The following AFF4 variants were observed in gnomAD, a reference collection of about 807,000 sequenced individuals.
AFF4 encodes ALF transcription elongation factor 4.
In AFF4, 13 loss-of-function variants were observed where a neutral mutation model predicts 124.8. That is an observed-to-expected ratio of 0.10 (90% CI 0.07 to 0.17). AFF4 has a LOEUF of 0.17. Among genes scored for constraint, AFF4 ranks in the 10% least tolerant of loss-of-function variants. AFF4 has a pLI of 1.00. For synonymous variants in AFF4, 477 were observed against 496.1 expected (o/e 0.96, Z 0.51); for missense variants, 1,092 against 1,403.8 (o/e 0.78, Z 3.55).
At chr5:132,901,190 C>T (rs1344879121) in intron 7 of AFF4, 4 of 976,018 alleles carry the variant, frequency 4.1e-6, no homozygotes, top group Non-Finnish European at 4.9e-6. Flanking sequence ...ACAATGGCAG[C>T]TCAATGAACT....
intron 10 of AFF4, among the ~76,000 whole-genome samples, chr5:132,897,709 T>TA (rs35269196): frequency 0.21 from 29,956 of 144,408 alleles, 3,269 homozygotes; most frequent in African/African-American, 0.28. Context: ...GACTCCATCT[T>TA]AAAAAAAAAA....
rs747510821 is a variant in AFF4, at chr5:132,887,990, A to C, written c.2797-8T>G. On this transcript the variant is annotated splice_region_variant and splice_polypyrimidine_tract_variant and intron_variant, in intron 15 of 20. Coordinates refer to ENST00000265343, the MANE Select transcript of AFF4 (RefSeq NM_014423.4). Reference sequence around the variant, plus strand: ...TTTCTCAAACCTATCAGACTGAAGAAAGGAGAATGCAAGTAATGAGTAATG... The same window carrying C: ...TTTCTCAAACCTATCAGACTGAAGACAGGAGAATGCAAGTAATGAGTAATG... 6.2e-7 allele frequency: 1 copy of C among 1,613,072 alleles called. No individual in the cohort carries two copies. The highest frequency in any genetic ancestry group is 8.5e-7 in the Non-Finnish European group (1 of 1,179,640).
At chr5:132,904,281 T>C (rs529032572) in intron 6 of AFF4, 87 bp downstream of exon 6, 1 of 1,146,926 alleles carries the variant, frequency 8.7e-7, no homozygotes, top group African/African-American at 1.6e-5. Flanking sequence ...GTAAAGGTAT[T>C]ACTAAAGTTA....
At chr5:132,940,307 G>A (rs1052185185) in intron 1 of AFF4, among the ~76,000 whole-genome samples, 7 of 151,966 alleles carry the variant, frequency 4.6e-5, no homozygotes, top group Non-Finnish European at 1.0e-4. Context: ...AGATATCCTG[G>A]CTAACACAGT....
At position 132,927,200 on chromosome 5, in the gene AFF4, G is replaced by A. The variant is rs780844382; in HGVS notation, c.971C>T (p.Thr324Met). ...CGTTAGAGGGGGAGGCCATGAATGCGTCATCTCCTGAAATGTAATTATTAC... is the reference window on the plus strand; with the variant it reads ...CGTTAGAGGGGGAGGCCATGAATGCATCATCTCCTGAAATGTAATTATTAC... Reference protein sequence around the residue: ...SCVDEILKEMTHSWPPPLTAI... With the variant: ...SCVDEILKEMMHSWPPPLTAI... The change falls in exon 5 of 21, where the codon ACG (threonine) becomes ATG (methionine). Residue 324 changes from threonine (T) to methionine (M), a missense_variant. Physicochemically the swap from Thr to Met is moderately conservative, Grantham distance 81 (BLOSUM62 -1). Around this residue, in one of 11 missense-constraint regions of AFF4, gnomAD observed 148 missense variants for 196.3 expected, o/e 0.75. Coordinates refer to ENST00000265343, the MANE Select transcript of AFF4 (RefSeq NM_014423.4). 27 of 1,609,444 alleles carry A rather than the reference G, an allele frequency of 1.7e-5. No individual in the cohort carries two copies. The highest frequency in any genetic ancestry group is 3.4e-5 in the Admixed American group (2 of 59,060).
At chr5:132,915,451 C>T (rs1760887505) in intron 5 of AFF4, among the ~76,000 whole-genome samples, 1 of 152,094 alleles carries the variant, frequency 6.6e-6, no homozygotes, top group Admixed American at 6.6e-5. Flanking sequence ...TACTCAGATA[C>T]CAAAACAAGG....
chr5:132,932,518 G>C (rs1337494196), intron 3 of AFF4, among the ~76,000 whole-genome samples: 1 of 152,104 alleles, frequency 6.6e-6, no homozygotes, highest in African/African-American at 2.4e-5. Context: ...TGTGCAGCTT[G>C]TCTAAAAATT....
intron 7 of AFF4, among the ~76,000 whole-genome samples, chr5:132,900,352 T>C (rs909565720): frequency 1.3e-5 from 2 of 152,098 alleles, no homozygotes; most frequent in Non-Finnish European, 2.9e-5. Context: ...AAGTCATGAG[T>C]TCGAGACCAG....
At chr5:132,944,637 A>G (rs1267628160) in intron 1 of AFF4, among the ~76,000 whole-genome samples, 6 of 151,496 alleles carry the variant, frequency 4.0e-5, no homozygotes, top group African/African-American at 1.5e-4. Flanking sequence ...ACAGAGTGAG[A>G]CTCTCTCTCA....
At chr5:132,928,197 T>TCA (rs1221842957) in intron 4 of AFF4, among the ~76,000 whole-genome samples, 2 of 147,220 alleles carry the variant, frequency 1.4e-5, no homozygotes. Context: ...CAAAATGGAG[T>TCA]CACTAATGTT....
At chr5:132,957,223 C>A (rs1318440214) in intron 1 of AFF4, among the ~76,000 whole-genome samples, 2 of 151,314 alleles carry the variant, frequency 1.3e-5, no homozygotes, top group African/African-American at 2.4e-5. Flanking sequence ...TGCCTGTAGT[C>A]CTAGCTACTT....
chr5:132,908,515 TA>T (rs1760719332), intron 5 of AFF4, among the ~76,000 whole-genome samples: 1 of 151,954 alleles, frequency 6.6e-6, no homozygotes, highest in Admixed American at 6.6e-5. Context: ...TTCCTTGTTG[TA>T]AATCATTTAG....
Position 132,942,759 on chromosome 5 carries a change from G to A in AFF4, c.-4-5566C>T, listed in dbSNP as rs145868590. ...ATTAGAGGCGTAAGCCATTGCACCC[G>A]GCCCATGTCAGATATTATTAATCCT... On this transcript the variant is annotated intron_variant, in intron 1 of 20. Transcript: ENST00000265343. 5.4e-3 allele frequency among the ~76,000 whole-genome samples: 818 copies of A among 152,296 alleles called. 3 individuals are homozygous for A. Among genetic ancestry groups the A allele is most frequent in the Middle Eastern group, 0.027 (8 of 294 alleles).
chr5:132,936,565 T>C (rs1206043265), intron 2 of AFF4, among the ~76,000 whole-genome samples: 1 of 152,200 alleles, frequency 6.6e-6, no homozygotes, highest in East Asian at 1.9e-4. Context: ...GAAATATTCA[T>C]TTTTTATTGA....
At chr5:132,952,881 G>T (rs938097848) in intron 1 of AFF4, among the ~76,000 whole-genome samples, 4 of 151,688 alleles carry the variant, frequency 2.6e-5, no homozygotes, top group African/African-American at 9.7e-5. Context: ...TTAAGTGACG[G>T]AGTGAGACTC....
intron 1 of AFF4, among the ~76,000 whole-genome samples, chr5:132,954,624 T>C (rs959716759): frequency 1.0e-4 from 15 of 144,792 alleles, no homozygotes; most frequent in Non-Finnish European, 1.8e-4. Context: ...CTCGGCTCAC[T>C]GCAAGCTCCG....
intron 5 of AFF4, among the ~76,000 whole-genome samples, chr5:132,904,878 G>T (rs1306668383): frequency 6.6e-6 from 1 of 151,750 alleles, no homozygotes; most frequent in African/African-American, 2.4e-5. Context: ...GTGAAACCCC[G>T]TCTCTACGAA....
chr5:132,918,936 A>T (rs1262201942), intron 5 of AFF4, among the ~76,000 whole-genome samples: 1 of 148,304 alleles, frequency 6.7e-6, no homozygotes, highest in Admixed American at 6.8e-5. Context: ...CGCAGGCTGG[A>T]GCACACGCAA....
intron 7 of AFF4, chr5:132,901,225 A>C (rs909718259): frequency 4.5e-6 from 4 of 891,964 alleles, no homozygotes; most frequent in Non-Finnish European, 5.4e-6. Context: ...AATATGTCAA[A>C]GCTTTTACCA....
Sources: gnomAD v4.1 joint callset for allele counts (sites outside exome capture counted in the v4.1 genomes callset) on GRCh38, gnomAD v4.1.1 for gene constraint, gnomAD v4.1.1 regional missense constraint, MANE v1.5 for transcripts, NCBI Gene and HGNC (gene_info 2026-07-23, HGNC 2026-07-21) for gene names.